Variants in CDH13 observed in about 807,000 individuals in gnomAD.
CDH13 encodes cadherin 13, also known as cadherin-13.
Under a neutral mutation model 63.8 loss-of-function variants are expected in CDH13, and 24 were observed. The observed-to-expected ratio is 0.38, with a 90% confidence interval of 0.27 to 0.53. The LOEUF (loss-of-function observed/expected upper bound fraction) is 0.53. Ranked by LOEUF, CDH13 falls within the 20% of genes least tolerant of loss-of-function variation. The pLI is 0.85. For missense variants in CDH13, 1,049 were observed against 903.1 expected (o/e 1.16, Z -2.07); for synonymous variants, 503 against 355.3 (o/e 1.42, Z -4.67).
At chr16:83,635,440 G>T (rs1911174009) in intron 8 of CDH13, among the ~76,000 whole-genome samples, 1 of 144,296 alleles carries the variant, frequency 6.9e-6, no homozygotes, top group Admixed American at 7.4e-5. Flanking sequence ...GCTTCCTGGG[G>T]TCAAGTGATT....
At chr16:83,054,576 C>T (rs1216494689) in intron 3 of CDH13, among the ~76,000 whole-genome samples, 1 of 152,118 alleles carries the variant, frequency 6.6e-6, no homozygotes, top group Non-Finnish European at 1.5e-5. Context: ...TTAAAACTTA[C>T]AAATTATTTC....
chr16:83,558,224 C>G (rs1023890898), intron 7 of CDH13, among the ~76,000 whole-genome samples: 1 of 152,132 alleles, frequency 6.6e-6, no homozygotes, highest in African/African-American at 2.4e-5. Context: ...AAGAGTGAAC[C>G]TACATTGTTT....
At chr16:83,528,022 G>C (rs1418581826) in intron 7 of CDH13, among the ~76,000 whole-genome samples, 3 of 152,206 alleles carry the variant, frequency 2.0e-5, no homozygotes, top group Admixed American at 2.0e-4. Flanking sequence ...GCCAGGGCTA[G>C]ACAATCCAAG....
At chr16:83,744,341 G>A (rs1322602814) in intron 10 of CDH13, among the ~76,000 whole-genome samples, 14 of 152,206 alleles carry the variant, frequency 9.2e-5, no homozygotes, top group South Asian at 2.1e-4. Context: ...TATGAGTGGG[G>A]TCTTGAAACA....
At chr16:83,502,615 A>G (rs576226324) in intron 7 of CDH13, among the ~76,000 whole-genome samples, 85 of 152,302 alleles carry the variant, frequency 5.6e-4, no homozygotes, top group Middle Eastern at 3.4e-3. Flanking sequence ...CGTGTTAAAT[A>G]CAGTAGCTTT....
intron 6 of CDH13, among the ~76,000 whole-genome samples, chr16:83,406,112 C>T (rs2092040261): frequency 6.6e-6 from 1 of 152,172 alleles, no homozygotes; most frequent in African/African-American, 2.4e-5. Flanking sequence ...TCAGAGGTGA[C>T]CTCCAGCCAG....
At chr16:83,017,347 C>G (rs1467214336) in intron 2 of CDH13, among the ~76,000 whole-genome samples, 3 of 152,190 alleles carry the variant, frequency 2.0e-5, no homozygotes, top group Non-Finnish European at 4.4e-5. Context: ...AAGACACAGA[C>G]TCTTTGACTC....
At chr16:83,714,485 G>A (rs950211724) in intron 10 of CDH13, among the ~76,000 whole-genome samples, 1 of 152,148 alleles carries the variant, frequency 6.6e-6, no homozygotes, top group Non-Finnish European at 1.5e-5. Context: ...GGGGGAAACT[G>A]TTTCTGCCCC....
chr16:82,775,805 G>A (rs982895031), intron 1 of CDH13, among the ~76,000 whole-genome samples: 6 of 152,174 alleles, frequency 3.9e-5, no homozygotes, highest in Non-Finnish European at 5.9e-5. Context: ...TTGCCTGGGT[G>A]CAAGGTGAGG....
At chr16:82,936,179 T>C (rs536152869) in intron 2 of CDH13, among the ~76,000 whole-genome samples, 167 of 152,284 alleles carry the variant, frequency 1.1e-3, no homozygotes, top group African/African-American at 3.8e-3. Flanking sequence ...CTGCCAGCAT[T>C]CACCTGTGCA....
At chr16:83,205,638 C>T (rs1254059298) in intron 4 of CDH13, among the ~76,000 whole-genome samples, 2 of 144,608 alleles carry the variant, frequency 1.4e-5, no homozygotes, top group East Asian at 4.0e-4. Flanking sequence ...CAAAGTCTTG[C>T]TCTGTTGCCA....
intron 1 of CDH13, among the ~76,000 whole-genome samples, chr16:82,720,658 G>C (rs1212455681): frequency 6.6e-6 from 1 of 151,778 alleles, no homozygotes; most frequent in Admixed American, 6.6e-5. Flanking sequence ...ACACAGGGTG[G>C]TCTGGGCCAA....
chr16:82,709,547 G>C (rs1051200293), intron 1 of CDH13, among the ~76,000 whole-genome samples: 1 of 152,184 alleles, frequency 6.6e-6, no homozygotes, highest in Non-Finnish European at 1.5e-5. Context: ...TACTTCATCT[G>C]AAAGTGTGGA....
intron 1 of CDH13, among the ~76,000 whole-genome samples, chr16:82,742,180 G>T (rs997423540): frequency 6.6e-6 from 1 of 152,120 alleles, no homozygotes; most frequent in Non-Finnish European, 1.5e-5. Flanking sequence ...CAAGAAATGA[G>T]AATCTTGTAA....
chr16:83,030,144 C>G (rs930833337), intron 2 of CDH13, among the ~76,000 whole-genome samples: 1 of 152,174 alleles, frequency 6.6e-6, no homozygotes, highest in African/African-American at 2.4e-5. Flanking sequence ...CTATTCCTTC[C>G]CACACATGAA....
At chr16:83,724,210 G>T (rs1370917968) in intron 10 of CDH13, among the ~76,000 whole-genome samples, 1 of 122,288 alleles carries the variant, frequency 8.2e-6, no homozygotes, top group African/African-American at 2.7e-5. Flanking sequence ...GAATGCATGG[G>T]TGGGTGATGA....
intron 5 of CDH13, among the ~76,000 whole-genome samples, chr16:83,315,195 C>T (rs916862977): frequency 6.6e-6 from 1 of 152,214 alleles, no homozygotes; most frequent in African/African-American, 2.4e-5. Flanking sequence ...TGGAAGCCCA[C>T]ATAAGTATGG....
rs1226088291 is a variant in CDH13, at chr16:83,443,721, AAAAAAAAAAAAAAAATATATATAT to A, written c.782-42754_782-42731del. ...AGTCCCTACGAAAAAAAAAAAAAAA[AAAAAAAAAAAAAAAATATATATAT>A]ATATATATATATATATATGGAGAGA... is the stretch of plus-strand genomic sequence containing the variant. On this transcript the variant is annotated intron_variant, in intron 6 of 13. Coordinates refer to ENST00000567109, the MANE Select transcript of CDH13 (RefSeq NM_001257.5). 1.2e-3 allele frequency among the ~76,000 whole-genome samples: 111 copies of A among 92,286 alleles called. 1 individual carries two copies. Among genetic ancestry groups the A allele is most frequent in the East Asian group, 6.2e-3 (21 of 3,412 alleles). The allele number at this position is 92,286 out of a possible 152,430, so 60.5% of individuals were successfully genotyped here.
chr16:83,596,658 GTGACTTTC>G (rs1907287791), intron 7 of CDH13, among the ~76,000 whole-genome samples: 1 of 152,260 alleles, frequency 6.6e-6, no homozygotes, highest in African/African-American at 2.4e-5. Context: ...AAATTAGGGG[GTGACTTTC>G]TGGAAAAGGC....
Sources: allele counts gnomAD v4.1 joint callset (sites outside exome capture counted in the v4.1 genomes callset), GRCh38; gene constraint gnomAD v4.1.1; transcripts MANE v1.5; gene names NCBI Gene and HGNC (gene_info 2026-07-23, HGNC 2026-07-21).